Variants in MATCAP2 observed in about 807,000 individuals in gnomAD.
MATCAP2 encodes microtubule associated tyrosine carboxypeptidase 2.
At chr7:36,334,236 C>A in the MATCAP2 span, 1 of 1,330,348 alleles carries the variant, frequency 7.5e-7, no homozygotes, top group Non-Finnish European at 1.0e-6. Context: ...AGTTAGATTC[C>A]ATCAACAATC....
the MATCAP2 span, chr7:36,335,045 C>T: frequency 3.7e-6 from 6 of 1,611,472 alleles, no homozygotes; most frequent in East Asian, 1.3e-4. Context: ...ATTGCCCCTA[C>T]CTATTTCATG....
chr7:36,326,748 G>A, the MATCAP2 span: 2 of 1,605,294 alleles, frequency 1.2e-6, no homozygotes, highest in Non-Finnish European at 1.7e-6. Context: ...ATGTTTGCCA[G>A]AACGCTAATT....
the MATCAP2 span, chr7:36,357,619 A>G: frequency 2.0e-6 from 3 of 1,519,800 alleles, no homozygotes; most frequent in Non-Finnish European, 2.7e-6. Flanking sequence ...TCAAAACAAA[A>G]GAAATAACAA....
chr7:36,389,644 A>C, the MATCAP2 span, among the ~76,000 whole-genome samples: 1 of 151,878 alleles, frequency 6.6e-6, no homozygotes, highest in Non-Finnish European at 1.5e-5. Context: ...CAGGAACCCG[A>C]CGCCGTTGGA....
At chr7:36,361,885 G>C in the MATCAP2 span, among the ~76,000 whole-genome samples, 1 of 152,180 alleles carries the variant, frequency 6.6e-6, no homozygotes, top group Non-Finnish European at 1.5e-5. Context: ...ACAATGTTGA[G>C]CAAATGAAGC....
At chr7:36,361,068 A>T in the MATCAP2 span, among the ~76,000 whole-genome samples, 1 of 152,218 alleles carries the variant, frequency 6.6e-6, no homozygotes, top group Non-Finnish European at 1.5e-5. Context: ...AGGGTAAATA[A>T]TATTTGTACA....
chr7:36,348,173 T>C, the MATCAP2 span, among the ~76,000 whole-genome samples: 22 of 152,334 alleles, frequency 1.4e-4, no homozygotes, highest in African/African-American at 4.3e-4. Context: ...ATACATATTC[T>C]GGCTCTTTAA....
the MATCAP2 span, among the ~76,000 whole-genome samples, chr7:36,346,181 T>C: frequency 6.6e-6 from 1 of 152,098 alleles, no homozygotes; most frequent in African/African-American, 2.4e-5. Flanking sequence ...CACATGCTGC[T>C]CATGGGAAAC....
At chr7:36,352,736 G>A in the MATCAP2 span, among the ~76,000 whole-genome samples, 8 of 151,362 alleles carry the variant, frequency 5.3e-5, no homozygotes, top group Admixed American at 1.3e-4. Flanking sequence ...GGAGGCTGAG[G>A]AAGGAGAATT....
At chr7:36,333,711 T>C in the MATCAP2 span, 1 of 654,694 alleles carries the variant, frequency 1.5e-6, no homozygotes, top group Non-Finnish European at 2.5e-6. Context: ...GAAAATGTGG[T>C]TTGGGAAAAC....
the MATCAP2 span, among the ~76,000 whole-genome samples, chr7:36,352,742 G>C: frequency 6.6e-6 from 1 of 150,874 alleles, no homozygotes; most frequent in Non-Finnish European, 1.5e-5. Flanking sequence ...TGAGGAAGGA[G>C]AATTGGTTGA....
At chr7:36,333,853 C>T in the MATCAP2 span, 1 of 1,592,548 alleles carries the variant, frequency 6.3e-7, no homozygotes, top group Non-Finnish European at 8.6e-7. Flanking sequence ...AAGGGACACC[C>T]ACCTGGTTGG....
chr7:36,388,712 C>T, the MATCAP2 span, among the ~76,000 whole-genome samples: 2 of 152,288 alleles, frequency 1.3e-5, no homozygotes, highest in East Asian at 1.9e-4. Flanking sequence ...GTGTGGAAAA[C>T]GGGTCATGAG....
chr7:36,366,801 A>T, the MATCAP2 span: 4 of 1,532,626 alleles, frequency 2.6e-6, no homozygotes, highest in Admixed American at 2.0e-5. Context: ...GTCGGGGCGC[A>T]GGGTGGAGTC....
the MATCAP2 span, chr7:36,336,393 T>A: frequency 2.0e-6 from 2 of 986,160 alleles, no homozygotes; most frequent in African/African-American, 3.3e-5. Context: ...TATTCTAGGT[T>A]TATTGATTTC....
chr7:36,350,519 A>G, the MATCAP2 span, among the ~76,000 whole-genome samples: 5 of 141,346 alleles, frequency 3.5e-5, no homozygotes, highest in African/African-American at 5.2e-5. Context: ...ATTGGCCTGG[A>G]CGGACTGTGT....
the MATCAP2 span, among the ~76,000 whole-genome samples, chr7:36,357,829 C>T: frequency 3.9e-5 from 6 of 152,164 alleles, no homozygotes; most frequent in African/African-American, 1.4e-4. Context: ...TCCTCAGCTT[C>T]AAACCACTTA....
the MATCAP2 span, among the ~76,000 whole-genome samples, chr7:36,348,044 G>GGA: frequency 3.3e-5 from 5 of 152,312 alleles, no homozygotes; most frequent in East Asian, 9.6e-4. Context: ...GGTGAATGTT[G>GGA]GAGATGAATA....
chr7:36,379,851 G>C, the MATCAP2 span, among the ~76,000 whole-genome samples: 14,009 of 139,666 alleles, frequency 0.1, 729 homozygotes, highest in East Asian at 0.17. Flanking sequence ...CACACACAGA[G>C]AGAGAGAGAG....
Sources: gnomAD v4.1 joint callset for allele counts (sites outside exome capture counted in the v4.1 genomes callset) on GRCh38, gnomAD v4.1.1 for gene constraint, MANE v1.5 for transcripts, NCBI Gene and HGNC (gene_info 2026-07-23, HGNC 2026-07-21) for gene names.